The following CFAP47 variants were observed in gnomAD, a reference collection of about 807,000 sequenced individuals.
The protein encoded by CFAP47 is cilia and flagella associated protein 47, also known as cilia- and flagella-associated protein 47.
Under a neutral mutation model 148.1 loss-of-function variants are expected in CFAP47, and 29 were observed. That is an observed-to-expected ratio of 0.20 (90% CI 0.15 to 0.27). The LOEUF (loss-of-function observed/expected upper bound fraction) is 0.27. Among genes scored for constraint, CFAP47 ranks in the 10% least tolerant of loss-of-function variants. The pLI, the probability that CFAP47 is intolerant of heterozygous loss-of-function variation, is 1.00. For missense variants in CFAP47, 1,872 were observed against 1,697.5 expected, an observed-to-expected ratio of 1.10 and a Z score of -1.81; for synonymous variants, 664 against 577.3, an observed-to-expected ratio of 1.15 and a Z score of -2.15.
Position 36,350,121 on chromosome X carries a change from A to G in CFAP47, c.8687A>G (p.Lys2896Arg). 1 of 1,130,875 alleles carries G rather than the reference A, an allele frequency of 8.8e-7. No individual in the cohort carries two copies. Among genetic ancestry groups the G allele is most frequent in the Non-Finnish European group, 1.2e-6 (1 of 840,241 alleles). The allele number at this position is 1,130,875 out of a possible 1,213,427, so 93.2% of individuals were successfully genotyped here. ...IVGLPQAPPPKSPPVVIQCQS... is the reference protein window; with the variant it reads ...IVGLPQAPPPRSPPVVIQCQS... ...GGACTCCCACAAGCACCACCTCCTA[A>G]ATCTCCCCCAGGTAGGTATACATTA... Residue 2896 changes from lysine to arginine, a missense_variant, in exon 59 of 64, where the codon AAA becomes AGA. Transcript: ENST00000378653.
At chrX:36,003,789 GA>G (rs1160164279) in intron 21 of CFAP47, among the ~76,000 whole-genome samples, 1 of 108,065 alleles carries the variant, frequency 9.3e-6, no homozygotes, top group Admixed American at 1.0e-4. Context: ...TCAGGCAAGA[GA>G]AAAAAATAAA....
chrX:36,011,893 C>A (rs1030762268), intron 21 of CFAP47, among the ~76,000 whole-genome samples: 1 of 111,752 alleles, frequency 8.9e-6, no homozygotes, highest in Non-Finnish European at 1.9e-5. Context: ...TTGTTGCAAT[C>A]GCTTTTGGTG....
chrX:36,076,711 T>G lies in CFAP47; in HGVS notation c.4691+3347T>G, dbSNP rs141130253. Among the ~76,000 whole-genome samples, 118 of 111,706 alleles carry G rather than the reference T, an allele frequency of 1.1e-3. 3 individuals carry two copies. The East Asian group carries it at 0.031, about 29-fold the overall frequency. On this transcript the variant is annotated intron_variant, in intron 29 of 63. Transcript: ENST00000378653. ...TTGTCTGTTTACTCTGTTAATAGTT[T>G]CCTTTGCTGTGCAGAAGCCCTTTAG...
chrX:36,379,210 C>T, intron 62 of CFAP47, 140 bp from the exon 63 acceptor site: 2 of 510,574 alleles, frequency 3.9e-6, no homozygotes, highest in Non-Finnish European at 6.5e-6. Context: ...AATGCCTCCT[C>T]ACTATTATTT....
At chrX:36,197,286 A>T (rs1312136741) in intron 42 of CFAP47, among the ~76,000 whole-genome samples, 1 of 111,719 alleles carries the variant, frequency 9.0e-6, no homozygotes, top group Non-Finnish European at 1.9e-5. Flanking sequence ...TATTCTGGCA[A>T]ATAGCCATTT....
At chrX:36,352,126 G>C (rs1941747659) in intron 59 of CFAP47, among the ~76,000 whole-genome samples, 1 of 111,072 alleles carries the variant, frequency 9.0e-6, no homozygotes, top group Non-Finnish European at 1.9e-5. Context: ...TAAAGACAAT[G>C]AAATGATAAT....
intron 49 of CFAP47, among the ~76,000 whole-genome samples, chrX:36,259,831 T>C (rs933734725): frequency 3.6e-5 from 4 of 111,634 alleles, no homozygotes; most frequent in Non-Finnish European, 7.5e-5. Context: ...GCATAGTACC[T>C]GATAAGTTGC....
Position 36,289,859 on chromosome X carries a change from G to C in CFAP47, c.7686+4133G>C, listed in dbSNP as rs782787131. 2.7e-5 allele frequency among the ~76,000 whole-genome samples: 3 copies of C among 111,716 alleles called. No individual in the cohort carries two copies. In the South Asian group the frequency reaches 1.1e-3, roughly 42 times the overall value. On this transcript the variant is annotated intron_variant, in intron 51 of 63. Transcript: ENST00000378653. ...TTCAACCGAGAGTGGACTCAAGGCC[G>C]TGCCTAGAGTTAAATTGTCAACTGT... is the stretch of plus-strand genomic sequence containing the variant.
At chrX:36,263,383 G>A (rs1275778993) in intron 49 of CFAP47, among the ~76,000 whole-genome samples, 6 of 112,003 alleles carry the variant, frequency 5.4e-5, no homozygotes, top group African/African-American at 2.0e-4. Context: ...TCTTCTTTGA[G>A]TTAAAACTGC....
intron 50 of CFAP47, among the ~76,000 whole-genome samples, chrX:36,284,461 AT>A (rs1362114975): frequency 9.0e-6 from 1 of 111,699 alleles, no homozygotes; most frequent in Non-Finnish European, 1.9e-5. Flanking sequence ...TTGAAACAGG[AT>A]GCAAAATAGT....
At chrX:36,183,122 C>A (rs776166595) in intron 40 of CFAP47, among the ~76,000 whole-genome samples, 1 of 112,010 alleles carries the variant, frequency 8.9e-6, no homozygotes, top group African/African-American at 3.2e-5. Flanking sequence ...CCAGCCTGGG[C>A]AACATGGTGA....
chrX:36,279,297 T>C (rs1556003195), intron 49 of CFAP47, among the ~76,000 whole-genome samples: 3 of 111,846 alleles, frequency 2.7e-5, no homozygotes, highest in Non-Finnish European at 5.6e-5. Context: ...ATGATTTTAC[T>C]TCAAGCTCTC....
intron 21 of CFAP47, among the ~76,000 whole-genome samples, chrX:36,004,067 G>A (rs1178988278): frequency 1.0e-5 from 1 of 98,619 alleles, no homozygotes; most frequent in African/African-American, 3.9e-5. Flanking sequence ...CCACCTCCCC[G>A]ATTCAAGTGA....
At chrX:35,932,907 A>G (rs1198779379) in intron 2 of CFAP47, among the ~76,000 whole-genome samples, 1 of 111,441 alleles carries the variant, frequency 9.0e-6, no homozygotes, top group East Asian at 2.8e-4. Flanking sequence ...TTCAGGTGTG[A>G]GCTGCCATGC....
chrX:36,242,072 C>A (rs782182071), intron 48 of CFAP47, among the ~76,000 whole-genome samples: 12 of 112,114 alleles, frequency 1.1e-4, no homozygotes, highest in African/African-American at 3.6e-4. Context: ...AAGACAGCCC[C>A]CAAAATATTC....
At chrX:36,177,025 A>C (rs1280905477) in intron 39 of CFAP47, among the ~76,000 whole-genome samples, 1 of 112,749 alleles carries the variant, frequency 8.9e-6, no homozygotes, top group East Asian at 2.8e-4. Flanking sequence ...ATATAGGTAG[A>C]ACTTTGGAAA....
intron 29 of CFAP47, 60 bp downstream of exon 29, chrX:36,073,424 A>T: frequency 7.0e-6 from 5 of 716,466 alleles, no homozygotes; most frequent in Non-Finnish European, 1.0e-5. Flanking sequence ...AATATAATCT[A>T]TTGATTGAGA....
Position 36,223,050 on chromosome X carries a change from C to G in CFAP47, c.6818-5578C>G, listed in dbSNP as rs1322284936. Among the ~76,000 whole-genome samples, 7 of 110,128 alleles carry G rather than the reference C, an allele frequency of 6.4e-5. No individual in the cohort carries two copies. In the Admixed American group the frequency reaches 6.9e-4, roughly 11 times the overall value. ...CTGGTTGTTGAAAAGTGTATAGTACCTCCCCCTACTCTCTTCTCTTACTTG... is the reference window on the plus strand; with the variant it reads ...CTGGTTGTTGAAAAGTGTATAGTACGTCCCCCTACTCTCTTCTCTTACTTG... On this transcript the variant is annotated intron_variant, in intron 45 of 63. Coordinates refer to ENST00000378653, the MANE Select transcript of CFAP47 (RefSeq NM_001304548.2).
rs142679912 is a variant in CFAP47 at position 36,377,057 on chromosome X, T to A, written c.9186-2293T>A. ...ATTTGGGTTGGCTCCAAGTCTTTGC[T>A]ATTGTGAATAATGCCGCAATAAACA... On this transcript the variant is annotated intron_variant, in intron 62 of 63. Transcript: ENST00000378653. Among the ~76,000 whole-genome samples the A allele has an allele frequency of 4.9e-3, 543 of 111,445 alleles. 5 individuals carry two copies. Among genetic ancestry groups the A allele is most frequent in the African/African-American group, 0.016 (497 of 30,636 alleles).
Sources: allele counts gnomAD v4.1 joint callset (sites outside exome capture counted in the v4.1 genomes callset), GRCh38; gene constraint gnomAD v4.1.1; transcripts MANE v1.5; gene names NCBI Gene and HGNC (gene_info 2026-07-23, HGNC 2026-07-21).